Variants in CADM2 observed in about 807,000 individuals in gnomAD.
CADM2 encodes immunoglobulin superfamily member 4D.
Under a neutral mutation model 49.8 loss-of-function variants are expected in CADM2, and 12 were observed. The ratio of observed to expected loss-of-function variants is 0.24; its 90% confidence interval spans 0.15 to 0.39. The LOEUF (loss-of-function observed/expected upper bound fraction) is 0.39, where lower values mean the gene tolerates loss of function less well. Among genes scored for constraint, CADM2 ranks in the 10% least tolerant of loss-of-function variants. CADM2 has a pLI of 1.00. For missense variants in CADM2, 378 were observed against 492.3 expected, an observed-to-expected ratio of 0.77 and a Z score of 2.20; for synonymous variants, 214 against 175.4, an observed-to-expected ratio of 1.22 and a Z score of -1.74.
chr3:85,561,085 T>C (rs908911646), intron 1 of CADM2, among the ~76,000 whole-genome samples: 1 of 152,152 alleles, frequency 6.6e-6, no homozygotes, highest in African/African-American at 2.4e-5. Flanking sequence ...AATAAAAATG[T>C]TTGACTGAAT....
At chr3:85,146,826 C>T (rs1251382024) in intron 1 of CADM2, among the ~76,000 whole-genome samples, 1 of 152,184 alleles carries the variant, frequency 6.6e-6, no homozygotes, top group East Asian at 1.9e-4. Context: ...ACATTTCAAA[C>T]TTTACATTTG....
At chr3:85,302,644 T>C (rs1002626365) in intron 1 of CADM2, among the ~76,000 whole-genome samples, 1 of 152,018 alleles carries the variant, frequency 6.6e-6, no homozygotes, top group African/African-American at 2.4e-5. Context: ...AATTATCGTA[T>C]ATTATAAGTA....
At chr3:85,572,048 G>A (rs1470391270) in intron 1 of CADM2, among the ~76,000 whole-genome samples, 1 of 152,164 alleles carries the variant, frequency 6.6e-6, no homozygotes. Flanking sequence ...TGTAATCCTA[G>A]CAGTTTAGGA....
intron 1 of CADM2, among the ~76,000 whole-genome samples, chr3:85,473,546 A>C (rs1357030093): frequency 6.6e-6 from 1 of 152,112 alleles, no homozygotes; most frequent in Admixed American, 6.6e-5. Flanking sequence ...CATGTTCAAC[A>C]TCAAGGAAAC....
intron 2 of CADM2, among the ~76,000 whole-genome samples, chr3:85,768,459 AAATAAATAAAT>A (rs1288360836): frequency 1.0e-5 from 1 of 96,948 alleles, no homozygotes; most frequent in Non-Finnish European, 2.1e-5. Flanking sequence ...ATAAATAAAT[AAATAAATAAAT>A]AATAAATAAA....
At chr3:85,962,180 A>G (rs1404740512) in intron 8 of CADM2, among the ~76,000 whole-genome samples, 1 of 151,894 alleles carries the variant, frequency 6.6e-6, no homozygotes, top group Non-Finnish European at 1.5e-5. Context: ...CGGCTTCCCA[A>G]AATGCTGGAA....
chr3:85,358,705 T>A (rs935282687), intron 1 of CADM2, among the ~76,000 whole-genome samples: 1 of 152,168 alleles, frequency 6.6e-6, no homozygotes, highest in Non-Finnish European at 1.5e-5. Flanking sequence ...GAAGAACTGT[T>A]TATGTGTAAC....
intron 1 of CADM2, among the ~76,000 whole-genome samples, chr3:85,043,459 C>T (rs534147123): frequency 3.3e-5 from 5 of 151,802 alleles, no homozygotes; most frequent in East Asian, 1.9e-4. Flanking sequence ...GCATGAGGAT[C>T]GCTTAAGGCC....
intron 1 of CADM2, among the ~76,000 whole-genome samples, chr3:85,105,970 G>A (rs2038207542): frequency 1.3e-5 from 2 of 152,172 alleles, no homozygotes; most frequent in South Asian, 4.1e-4. Context: ...GGGAAGGATA[G>A]CTTTAGGAGA....
intron 8 of CADM2, among the ~76,000 whole-genome samples, chr3:86,009,217 G>GTGTA (rs386397251): frequency 0.055 from 7,976 of 145,064 alleles, 500 homozygotes; most frequent in African/African-American, 0.15. Flanking sequence ...GTATGTGTGT[G>GTGTA]TATATATATA....
intron 1 of CADM2, among the ~76,000 whole-genome samples, chr3:85,708,142 T>C (rs1205363522): frequency 2.6e-5 from 4 of 152,128 alleles, no homozygotes; most frequent in Non-Finnish European, 2.9e-5. Flanking sequence ...TTTAATATAT[T>C]TCTTATGCTG....
chr3:84,995,767 ATTGTTTCCACAACTGGCTTTTTAGCTTG>A (rs2033150679), intron 1 of CADM2, among the ~76,000 whole-genome samples: 3 of 152,200 alleles, frequency 2.0e-5, no homozygotes, highest in East Asian at 1.9e-4. Flanking sequence ...CCTCTAGCTT[ATTGTTTCCACAACTGGCTTTTTAGCTTG>A]TTGTTTCCAC....
chr3:85,044,617 A>G (rs1447868184), intron 1 of CADM2, among the ~76,000 whole-genome samples: 4 of 152,132 alleles, frequency 2.6e-5, no homozygotes, highest in African/African-American at 9.7e-5. Flanking sequence ...TTCTGGGCTA[A>G]GATATTGTAC....
intron 1 of CADM2, among the ~76,000 whole-genome samples, chr3:84,966,645 T>C (rs1487630195): frequency 2.6e-5 from 4 of 152,086 alleles, no homozygotes; most frequent in Non-Finnish European, 4.4e-5. Context: ...CTTGAATAGA[T>C]ACAGAGCTAA....
chr3:85,910,584 C>A (rs1382872793), intron 5 of CADM2, among the ~76,000 whole-genome samples: 1 of 151,974 alleles, frequency 6.6e-6, no homozygotes, highest in South Asian at 2.1e-4. Flanking sequence ...TCATAGGACA[C>A]GTTTATAAAC....
chr3:85,532,145 C>G (rs2061327786), intron 1 of CADM2, among the ~76,000 whole-genome samples: 1 of 152,000 alleles, frequency 6.6e-6, no homozygotes, highest in Non-Finnish European at 1.5e-5. Context: ...CCATTGCACT[C>G]TAGCCTGGGC....
chr3:84,960,689 G>A (rs2030425715), intron 1 of CADM2, among the ~76,000 whole-genome samples: 2 of 152,178 alleles, frequency 1.3e-5, no homozygotes. Flanking sequence ...CAAATCACTG[G>A]GTTTGGATGC....
At chr3:85,315,891 A>G (rs962856221) in intron 1 of CADM2, among the ~76,000 whole-genome samples, 4 of 152,122 alleles carry the variant, frequency 2.6e-5, no homozygotes, top group Non-Finnish European at 4.4e-5. Context: ...AATTATATAT[A>G]TATTTACGTA....
chr3:85,504,682 G>T (rs1451824741), intron 1 of CADM2, among the ~76,000 whole-genome samples: 1 of 152,118 alleles, frequency 6.6e-6, no homozygotes, highest in Admixed American at 6.6e-5. Flanking sequence ...CCCGCACTCC[G>T]CAGCCCTTGG....
Sources: allele counts gnomAD v4.1 joint callset (sites outside exome capture counted in the v4.1 genomes callset), GRCh38; gene constraint gnomAD v4.1.1; transcripts MANE v1.5; gene names NCBI Gene and HGNC (gene_info 2026-07-23, HGNC 2026-07-21).